The following SRGAP2B variants were observed in gnomAD, a reference collection of about 807,000 sequenced individuals.
The protein encoded by SRGAP2B is SLIT-ROBO Rho GTPase-activating protein 2B.
Under a neutral mutation model 22.2 loss-of-function variants are expected in SRGAP2B, and 9 were observed. The observed-to-expected ratio is 0.41, with a 90% CI of 0.24 to 0.71. SRGAP2B has a LOEUF of 0.71. Among genes scored for constraint, SRGAP2B ranks in the 30% least tolerant of loss-of-function variants. The pLI is 0.35. For missense variants in SRGAP2B, 114 were observed against 235.8 expected (o/e 0.48, Z 3.38); for synonymous variants, 36 against 87.4 (o/e 0.41, Z 3.28).
intron 2 of SRGAP2B, among the ~76,000 whole-genome samples, chr1:145,044,674 A>G (rs1558850337): frequency 7.4e-5 from 8 of 108,284 alleles, no homozygotes; most frequent in African/African-American, 1.7e-4. Flanking sequence ...AAAAAAAAAA[A>G]AAAAAAAAAA....
intron 3 of SRGAP2B, among the ~76,000 whole-genome samples, chr1:144,983,980 A>G (rs587666826): frequency 6.6e-5 from 10 of 150,554 alleles, no homozygotes; most frequent in African/African-American, 2.5e-4. Flanking sequence ...AATTTCTCAT[A>G]TTTTACTCCT....
intron 2 of SRGAP2B, among the ~76,000 whole-genome samples, chr1:145,062,302 T>G (rs1227787360): frequency 6.7e-6 from 1 of 148,698 alleles, no homozygotes; most frequent in East Asian, 2.0e-4. Context: ...TGCTATACAC[T>G]AACTACTCAT....
exon 3 of SRGAP2B, chr1:144,995,034 T>C (rs1553618209): frequency 3.9e-6 from 6 of 1,544,446 alleles, no homozygotes; most frequent in Non-Finnish European, 4.4e-6. Flanking sequence ...TGGTGCTGCA[T>C]GTCTTGGCCA....
intron 4 of SRGAP2B, among the ~76,000 whole-genome samples, chr1:144,941,541 G>T (rs1666052402): frequency 6.7e-6 from 1 of 149,730 alleles, no homozygotes; most frequent in African/African-American, 2.5e-5. Flanking sequence ...CCCAAGGGCT[G>T]GGCTTAAAAG....
chr1:144,918,217 G>GA (rs1453598275), intron 4 of SRGAP2B: 1 of 139,508 alleles, frequency 7.2e-6, no homozygotes, highest in African/African-American at 3.0e-5. Flanking sequence ...GAAGTTGGGG[G>GA]AAAAAATTAC....
chr1:145,011,580 C>T (rs868929050), intron 2 of SRGAP2B, among the ~76,000 whole-genome samples: 5,310 of 149,550 alleles, frequency 0.036, 426 homozygotes, highest in African/African-American at 0.13. Flanking sequence ...AACGGTACCA[C>T]CATTCACCTG....
At chr1:144,940,927 C>A (rs1411002441) in intron 4 of SRGAP2B, among the ~76,000 whole-genome samples, 44 of 148,736 alleles carry the variant, frequency 3.0e-4, no homozygotes, top group Non-Finnish European at 1.0e-4. Context: ...GATGCAATGA[C>A]ATGATAAAAA....
At chr1:145,021,114 G>A (rs2102280592) in intron 2 of SRGAP2B, among the ~76,000 whole-genome samples, 1 of 149,212 alleles carries the variant, frequency 6.7e-6, no homozygotes, top group South Asian at 2.1e-4. Flanking sequence ...CAGCCAGAGG[G>A]CCTTCTACTC....
intron 7 of SRGAP2B, among the ~76,000 whole-genome samples, chr1:144,898,912 A>C (rs1662474497): frequency 1.4e-5 from 2 of 147,298 alleles, no homozygotes; most frequent in African/African-American, 5.1e-5. Flanking sequence ...AGCTAGACAA[A>C]AGCGGCTCAT....
chr1:144,992,428 A>T (rs1213806549), intron 3 of SRGAP2B, among the ~76,000 whole-genome samples: 1 of 150,576 alleles, frequency 6.6e-6, no homozygotes, highest in South Asian at 2.1e-4. Flanking sequence ...ATCAAATGCT[A>T]TTTTAAATTT....
chr1:144,969,709 A>C (rs879118805), intron 3 of SRGAP2B, among the ~76,000 whole-genome samples: 3 of 149,418 alleles, frequency 2.0e-5, no homozygotes, highest in African/African-American at 5.1e-5. Context: ...GAACAGGCAA[A>C]CTACAACATG....
intron 3 of SRGAP2B, among the ~76,000 whole-genome samples, chr1:144,963,997 G>T (rs1370404113): frequency 6.6e-6 from 1 of 150,496 alleles, no homozygotes; most frequent in African/African-American, 2.5e-5. Flanking sequence ...ACAATGAAAA[G>T]GAGGGAAAAA....
intron 3 of SRGAP2B, among the ~76,000 whole-genome samples, chr1:144,983,008 G>A (rs1479728198): frequency 6.0e-5 from 9 of 149,370 alleles, no homozygotes; most frequent in South Asian, 4.2e-4. Flanking sequence ...GCCAACCCTT[G>A]CAACACCAGA....
At chr1:144,944,171 C>G (rs1161696153) in intron 4 of SRGAP2B, among the ~76,000 whole-genome samples, 4 of 150,300 alleles carry the variant, frequency 2.7e-5, no homozygotes, top group Non-Finnish European at 5.9e-5. Flanking sequence ...ATAAGTACAT[C>G]TAGAGTTTCT....
chr1:145,065,263 G>A (rs1316067591), intron 2 of SRGAP2B, among the ~76,000 whole-genome samples: 1 of 151,626 alleles, frequency 6.6e-6, no homozygotes, highest in Non-Finnish European at 1.5e-5. Context: ...TCATTCATCA[G>A]ATATGGAATT....
rs1280206909 is a variant in SRGAP2B at position 145,015,550 on chromosome 1, G to A, written c.68-20350C>T. ...ATTGCAATGTAAAAAGCCCATTATCGGGGAAAAAGACGATGCTGTAGGAGT... is the reference window on the plus strand; with the variant it reads ...ATTGCAATGTAAAAAGCCCATTATCAGGGAAAAAGACGATGCTGTAGGAGT... On this transcript the variant is annotated intron_variant, in intron 2 of 9. Transcript: ENST00000612199. Among the ~76,000 whole-genome samples, 8 of 147,476 alleles carry A rather than the reference G, an allele frequency of 5.4e-5. No individual in the cohort carries two copies. In the South Asian group the frequency reaches 1.1e-3, roughly 20 times the overall value.
At chr1:145,095,025 G>A in intron 1 of SRGAP2B, 198 bp downstream of exon 1, 1 of 1,534,586 alleles carries the variant, frequency 6.5e-7, no homozygotes, top group Non-Finnish European at 8.8e-7. Flanking sequence ...TCGCAGTCCT[G>A]AGAAGTATTA....
intron 2 of SRGAP2B, among the ~76,000 whole-genome samples, chr1:145,009,405 G>A (rs1336741152): frequency 6.8e-6 from 1 of 147,832 alleles, no homozygotes; most frequent in African/African-American, 2.6e-5. Context: ...CGGCTAAAAC[G>A]GTGAAACCCC....
chr1:144,958,508 T>C (rs1417554826), intron 3 of SRGAP2B, among the ~76,000 whole-genome samples: 1 of 131,388 alleles, frequency 7.6e-6, no homozygotes, highest in Non-Finnish European at 1.6e-5. Context: ...AAATACAAAA[T>C]TACCTCAGTG....
Sources: allele counts gnomAD v4.1 joint callset (sites outside exome capture counted in the v4.1 genomes callset), GRCh38; gene constraint gnomAD v4.1.1; transcripts MANE v1.5; gene names NCBI Gene and HGNC (gene_info 2026-07-23, HGNC 2026-07-21).